ST6GALNAC3: variants seen among roughly 807,000 people sequenced by gnomAD.
The protein encoded by ST6GALNAC3 is alpha-N-acetylgalactosaminide alpha-2,6-sialyltransferase 3.
Under a neutral mutation model 32.7 loss-of-function variants are expected in ST6GALNAC3, and 25 were observed. That is an observed-to-expected ratio of 0.76 (90% CI 0.56 to 1.07). ST6GALNAC3 has a LOEUF of 1.07. Ranked by LOEUF, ST6GALNAC3 falls within the 50% of genes least tolerant of loss-of-function variation. The pLI is 0.00. For synonymous variants in ST6GALNAC3, 129 were observed against 133.1 expected (o/e 0.97, Z 0.21); for missense variants, 355 against 382.4 (o/e 0.93, Z 0.60).
intron 2 of ST6GALNAC3, among the ~76,000 whole-genome samples, chr1:76,398,931 T>C (rs556489932): frequency 2.7e-4 from 41 of 152,314 alleles, no homozygotes; most frequent in African/African-American, 9.9e-4. Context: ...ACCTGGTATA[T>C]ATGCAGTAAC....
intron 2 of ST6GALNAC3, among the ~76,000 whole-genome samples, chr1:76,343,517 A>G (rs1380365285): frequency 1.2e-4 from 19 of 152,196 alleles, no homozygotes. Context: ...AAAGCATGGA[A>G]AAGTAGTCTA....
At chr1:76,335,263 T>A (rs1040616798) in intron 2 of ST6GALNAC3, among the ~76,000 whole-genome samples, 1 of 152,208 alleles carries the variant, frequency 6.6e-6, no homozygotes, top group African/African-American at 2.4e-5. Flanking sequence ...TGTATGATTA[T>A]TGTGTACTTT....
chr1:76,301,095 C>T lies in ST6GALNAC3; in HGVS notation c.19-12710C>T, dbSNP rs191657349. Among the ~76,000 whole-genome samples, 446 of 151,948 alleles carry T rather than the reference C, an allele frequency of 2.9e-3. 1 individual carries two copies. The highest frequency in any genetic ancestry group is 0.02 in the Middle Eastern group (6 of 294). On this transcript the variant is annotated intron_variant, in intron 1 of 4. Transcript: ENST00000328299. ...CTAAGTATTTAATTTTCATAATGACCCTTTGGTTTTACAGATGAGGAATCA... is the reference window on the plus strand; with the variant it reads ...CTAAGTATTTAATTTTCATAATGACTCTTTGGTTTTACAGATGAGGAATCA...
At chr1:76,463,276 G>A (rs1053847015) in intron 3 of ST6GALNAC3, among the ~76,000 whole-genome samples, 2 of 152,090 alleles carry the variant, frequency 1.3e-5, no homozygotes, top group African/African-American at 2.4e-5. Context: ...GGTAAATTGC[G>A]GGGGCTACAT....
At chr1:76,168,503 T>C (rs1280872845) in intron 1 of ST6GALNAC3, among the ~76,000 whole-genome samples, 1 of 152,190 alleles carries the variant, frequency 6.6e-6, no homozygotes, top group East Asian at 1.9e-4. Context: ...TAATGCTGAG[T>C]TCTGGTCCTG....
intron 1 of ST6GALNAC3, among the ~76,000 whole-genome samples, chr1:76,294,799 A>G (rs1371755703): frequency 6.6e-6 from 1 of 152,090 alleles, no homozygotes; most frequent in Non-Finnish European, 1.5e-5. Context: ...TAGGCATATA[A>G]TTTATGTGAA....
chr1:76,249,408 G>A (rs902300832), intron 1 of ST6GALNAC3, among the ~76,000 whole-genome samples: 2 of 151,862 alleles, frequency 1.3e-5, no homozygotes, highest in African/African-American at 4.8e-5. Context: ...TTTGTGACTG[G>A]CTTCTTTCAC....
At chr1:76,317,222 C>T (rs186234744) in intron 2 of ST6GALNAC3, among the ~76,000 whole-genome samples, 1 of 152,224 alleles carries the variant, frequency 6.6e-6, no homozygotes, top group African/African-American at 2.4e-5. Flanking sequence ...CTGACAGTCC[C>T]ACCCCTACCA....
chr1:76,514,058 G>A (rs912305073), intron 3 of ST6GALNAC3, among the ~76,000 whole-genome samples: 7 of 152,126 alleles, frequency 4.6e-5, no homozygotes, highest in Non-Finnish European at 1.0e-4. Context: ...CAGTTTTGTT[G>A]TGGAATCTTT....
At chr1:76,403,376 A>G (rs1653575559) in intron 2 of ST6GALNAC3, among the ~76,000 whole-genome samples, 1 of 152,128 alleles carries the variant, frequency 6.6e-6, no homozygotes, top group Non-Finnish European at 1.5e-5. Flanking sequence ...TTGAAGGATA[A>G]CTAGAAGGAT....
intron 1 of ST6GALNAC3, among the ~76,000 whole-genome samples, chr1:76,309,616 T>G (rs1190861956): frequency 2.0e-5 from 3 of 152,182 alleles, no homozygotes; most frequent in Non-Finnish European, 4.4e-5. Flanking sequence ...CTTGAAGGTA[T>G]GCCTTTTCTA....
chr1:76,145,994 G>A (rs951751593), intron 1 of ST6GALNAC3, among the ~76,000 whole-genome samples: 2 of 152,172 alleles, frequency 1.3e-5, no homozygotes, highest in Non-Finnish European at 2.9e-5. Flanking sequence ...GGCTTACTAG[G>A]TCTTTGCTTT....
chr1:76,457,527 A>G (rs1040321876), intron 3 of ST6GALNAC3, among the ~76,000 whole-genome samples: 1 of 151,066 alleles, frequency 6.6e-6, no homozygotes, highest in Non-Finnish European at 1.5e-5. Context: ...TACTGGTACC[A>G]AAACAGAGAT....
chr1:76,397,157 A>T (rs1035555548), intron 2 of ST6GALNAC3, among the ~76,000 whole-genome samples: 2 of 152,114 alleles, frequency 1.3e-5, no homozygotes, highest in African/African-American at 4.8e-5. Context: ...CTCCAAAGCA[A>T]ATATAAATAT....
At chr1:76,569,311 T>C (rs1044321011) in intron 3 of ST6GALNAC3, among the ~76,000 whole-genome samples, 12 of 151,678 alleles carry the variant, frequency 7.9e-5, no homozygotes, top group African/African-American at 2.7e-4. Flanking sequence ...GAGAAAACAT[T>C]CCAGTCTGAA....
Position 76,482,663 on chromosome 1 carries a change from G to C in ST6GALNAC3, c.623+70246G>C, listed in dbSNP as rs1042877173. On this transcript the variant is annotated intron_variant, in intron 3 of 4. Coordinates refer to ENST00000328299, the MANE Select transcript of ST6GALNAC3 (RefSeq NM_152996.4). ...AGAGAAGTTGAATAACTTGACAAGA[G>C]TCACCCAGACTCCCAAGCCTCTGTT... 3.3e-5 allele frequency among the ~76,000 whole-genome samples: 5 copies of C among 152,076 alleles called. No individual in the cohort carries two copies. The South Asian group carries it at 1.0e-3, about 31-fold the overall frequency.
chr1:76,143,576 G>A (rs956583773), intron 1 of ST6GALNAC3, among the ~76,000 whole-genome samples: 1 of 151,956 alleles, frequency 6.6e-6, no homozygotes, highest in Admixed American at 6.6e-5. Context: ...AAATTCTCTT[G>A]GAATATAATA....
At chr1:76,569,965 G>A (rs1218030165) in intron 3 of ST6GALNAC3, among the ~76,000 whole-genome samples, 3 of 151,988 alleles carry the variant, frequency 2.0e-5, no homozygotes, top group East Asian at 1.9e-4. Context: ...ATCAAATTAC[G>A]TGACATCTCA....
At chr1:76,273,701 G>T (rs769502616) in intron 1 of ST6GALNAC3, among the ~76,000 whole-genome samples, 1 of 152,098 alleles carries the variant, frequency 6.6e-6, no homozygotes, top group Non-Finnish European at 1.5e-5. Flanking sequence ...GTGGCATATC[G>T]GTCTGAAAAG....
Sources: gnomAD v4.1 joint callset for allele counts (sites outside exome capture counted in the v4.1 genomes callset) on GRCh38, gnomAD v4.1.1 for gene constraint, MANE v1.5 for transcripts, NCBI Gene and HGNC (gene_info 2026-07-23, HGNC 2026-07-21) for gene names.